Variants in LEPR observed in about 807,000 individuals in gnomAD.
The protein encoded by LEPR is OB receptor.
A neutral mutation model predicts 114.7 loss-of-function variants in LEPR; 56 were observed. The observed-to-expected ratio is 0.49, with a 90% CI of 0.39 to 0.61. The LOEUF is 0.61. Ranked by LOEUF, LEPR falls within the 20% of genes least tolerant of loss-of-function variation. The pLI is 0.00. For synonymous variants in LEPR, 443 were observed against 461.4 expected, an observed-to-expected ratio of 0.96 and a Z score of 0.51; for missense variants, 1,202 against 1,352.9, an observed-to-expected ratio of 0.89 and a Z score of 1.75.
rs145051613 is a variant in LEPR at position 65,633,877 on chromosome 1, A to G, written c.2674-2314A>G. ...CACAGGACAGTGGGAGTTACAGTTC[A>G]TATCAGGATGACCCTACATACCCAG... On this transcript the variant is annotated intron_variant, in intron 19 of 19. Transcript: ENST00000349533. This position sits in a 1 kb window ranked among gnomAD's most constrained non-coding sequence, Gnocchi z 4.1. The G allele has an allele frequency of 1.4e-5, 14 of 985,340 alleles. No individual in the cohort carries two copies. The African/African-American group carries it at 1.9e-4, about 14-fold the overall frequency. The allele number at this position is 985,340 out of a possible 1,614,324, so 61.0% of individuals were successfully genotyped here.
chr1:65,639,645 T>C lies in LEPR; in HGVS notation c.*2630T>C, dbSNP rs1474096527. The C allele has an allele frequency of 6.6e-6, 1 of 152,210 alleles. No individual in the cohort carries two copies. The highest frequency in any genetic ancestry group is 1.5e-5 in the Non-Finnish European group (1 of 68,036). The allele number at this position is 152,210 out of a possible 1,614,324, so 9.4% of individuals were successfully genotyped here. On this transcript the variant is annotated 3_prime_UTR_variant, in exon 20 of 20. Transcript: ENST00000349533. ...AATAGGGGCTATGGTCTTTTAAACT[T>C]ATAAATCTGGAATTTTTAATATTTC...
chr1:65,438,485 G>A (rs1646597150), intron 2 of LEPR, among the ~76,000 whole-genome samples: 2 of 148,750 alleles, frequency 1.3e-5, no homozygotes, highest in African/African-American at 5.0e-5. Flanking sequence ...GGTAGGCGGA[G>A]GTTGCAGTGA....
intron 5 of LEPR, among the ~76,000 whole-genome samples, chr1:65,584,884 A>G (rs1023800020): frequency 3.3e-5 from 5 of 151,908 alleles, no homozygotes; most frequent in Non-Finnish European, 7.4e-5. Flanking sequence ...ATTTGGTGAT[A>G]TCTTACATCT....
At chr1:65,583,015 T>TGA (rs1445169417) in intron 5 of LEPR, among the ~76,000 whole-genome samples, 1 of 149,616 alleles carries the variant, frequency 6.7e-6, no homozygotes, top group African/African-American at 2.5e-5. Context: ...TACTCTCCTG[T>TGA]GATAAACAAC....
chr1:65,586,066 T>C (rs1655295022), intron 5 of LEPR, among the ~76,000 whole-genome samples: 1 of 152,080 alleles, frequency 6.6e-6, no homozygotes, highest in Non-Finnish European at 1.5e-5. Context: ...TAGTCATGGT[T>C]ACTATGGTCT....
At position 65,633,201 on chromosome 1, in the gene LEPR, A is replaced by G; in HGVS notation, c.2674-2990A>G. ...ATCATGATCACTACAGATGAACCCA[A>G]TGTGCCAACTTCCCAACAGTCTATA... On this transcript the variant is annotated intron_variant, in intron 19 of 19. Transcript: ENST00000349533. The surrounding 1 kb of genome is among the most constrained non-coding windows in gnomAD (Gnocchi z 4.1). The G allele has an allele frequency of 6.2e-7, 1 of 1,609,782 alleles. No homozygotes were observed. The highest frequency in any genetic ancestry group is 8.5e-7 in the Non-Finnish European group (1 of 1,177,856).
chr1:65,629,816 C>G (rs1392766344), intron 19 of LEPR, among the ~76,000 whole-genome samples: 1 of 152,000 alleles, frequency 6.6e-6, no homozygotes, highest in African/African-American at 2.4e-5. Context: ...AGTGGACTCT[C>G]CAGGAACTCC....
intron 2 of LEPR, among the ~76,000 whole-genome samples, chr1:65,453,161 C>A (rs901656154): frequency 2.6e-5 from 4 of 151,964 alleles, no homozygotes; most frequent in African/African-American, 9.7e-5. Flanking sequence ...CTATTAGATT[C>A]TTCTCTCTTT....
At chr1:65,469,152 T>G (rs75511390) in intron 2 of LEPR, among the ~76,000 whole-genome samples, 1 of 152,300 alleles carries the variant, frequency 6.6e-6, no homozygotes, top group East Asian at 1.9e-4. Flanking sequence ...CAGGTTGCAA[T>G]TATTTCTGTC....
At chr1:65,627,524 C>G (rs913467887) in intron 19 of LEPR, among the ~76,000 whole-genome samples, 1 of 152,084 alleles carries the variant, frequency 6.6e-6, no homozygotes, top group Non-Finnish European at 1.5e-5. Flanking sequence ...AATGGAATAG[C>G]AACTCTTTCG....
chr1:65,463,212 A>G (rs951269826), intron 2 of LEPR, among the ~76,000 whole-genome samples: 1 of 152,106 alleles, frequency 6.6e-6, no homozygotes, highest in African/African-American at 2.4e-5. Context: ...CTTTCTACAT[A>G]TGGCTAGCCA....
intron 2 of LEPR, among the ~76,000 whole-genome samples, chr1:65,530,333 G>T (rs574202050): frequency 6.6e-6 from 1 of 152,228 alleles, no homozygotes; most frequent in African/African-American, 2.4e-5. Context: ...ACAGGAAAGG[G>T]GTCCCAATCC....
intron 2 of LEPR, among the ~76,000 whole-genome samples, chr1:65,506,109 T>C (rs1648713658): frequency 6.6e-6 from 1 of 152,170 alleles, no homozygotes; most frequent in African/African-American, 2.4e-5. Context: ...CTGGGAACCA[T>C]TGACCTAAGT....
chr1:65,488,226 C>CTTTCTTTCTTTCTTTCTTTCTT lies in LEPR; in HGVS notation c.-21+62849_-21+62850insTTCTTTCTTTCTTTCTTTCTTT, dbSNP rs1165679914. Among the ~76,000 whole-genome samples the CTTTCTTTCTTTCTTTCTTTCTT allele has an allele frequency of 1.6e-3, 109 of 67,892 alleles. 4 individuals are homozygous for CTTTCTTTCTTTCTTTCTTTCTT. The highest frequency in any genetic ancestry group is 3.8e-3 in the African/African-American group (43 of 11,434). 44.5% of individuals were successfully genotyped at this position (67,892 alleles called of 152,430 possible). The stretch of plus-strand genomic sequence containing the variant: ...TTTCTTTCTTTCTCTCTCTCTCTCT[C>CTTTCTTTCTTTCTTTCTTTCTT]TCTTTCTTTCTTTCTTTCTTTCTTT... On this transcript the variant is annotated intron_variant, in intron 2 of 19. Coordinates refer to ENST00000349533, the MANE Select transcript of LEPR (RefSeq NM_002303.6).
intron 3 of LEPR, among the ~76,000 whole-genome samples, chr1:65,568,455 A>G (rs1653922437): frequency 6.6e-6 from 1 of 151,900 alleles, no homozygotes; most frequent in South Asian, 2.1e-4. Context: ...TGCAAAGTAC[A>G]TGCTTTTATT....
At chr1:65,626,205 G>A (rs766181911) in intron 19 of LEPR, 26 of 1,597,638 alleles carry the variant, frequency 1.6e-5, no homozygotes, top group South Asian at 9.1e-5. Flanking sequence ...CCTCGCTGCC[G>A]CACCTGCTCT....
chr1:65,432,077 G>T, intron 2 of LEPR: 1 of 1,346,098 alleles, frequency 7.4e-7, no homozygotes, highest in Non-Finnish European at 9.5e-7. Context: ...AGTAGGAGAT[G>T]AGTTTTATTC....
At chr1:65,445,618 ATTACT>A (rs576919980) in intron 2 of LEPR, among the ~76,000 whole-genome samples, 1 of 152,056 alleles carries the variant, frequency 6.6e-6, no homozygotes, top group East Asian at 1.9e-4. Flanking sequence ...GCTTTTGGTG[ATTACT>A]TTAACTGAAT....
chr1:65,457,507 G>C (rs1045246149), intron 2 of LEPR, among the ~76,000 whole-genome samples: 1 of 152,136 alleles, frequency 6.6e-6, no homozygotes, highest in Non-Finnish European at 1.5e-5. Context: ...CATTCTTCAT[G>C]TCTATTACAT....
Sources: allele counts gnomAD v4.1 joint callset (sites outside exome capture counted in the v4.1 genomes callset), GRCh38; gene constraint gnomAD v4.1.1; non-coding constraint Gnocchi (gnomAD v3.1); transcripts MANE v1.5; gene names NCBI Gene and HGNC (gene_info 2026-07-23, HGNC 2026-07-21).